Variants in PLOD2 observed in about 807,000 individuals in gnomAD.
The protein encoded by PLOD2 is procollagen-lysine,2-oxoglutarate 5-dioxygenase 2.
A neutral mutation model predicts 101.0 loss-of-function variants in PLOD2; 65 were observed. That is an observed-to-expected ratio of 0.64 (90% CI 0.53 to 0.79). The LOEUF is 0.79. Among genes scored for constraint, PLOD2 ranks in the 30% least tolerant of loss-of-function variants. The pLI, the probability that PLOD2 is intolerant of heterozygous loss-of-function variation, is 0.00. For synonymous variants in PLOD2, 314 were observed against 302.9 expected (o/e 1.04, Z -0.38); for missense variants, 909 against 914.6 (o/e 0.99, Z 0.08).
In PLOD2 at chr3:146,088,791, A is replaced by G. The variant is rs924019446; in HGVS notation, c.880-80T>C. 17 of 1,179,526 alleles carry G rather than the reference A, an allele frequency of 1.4e-5. 1 individual carries two copies. Among genetic ancestry groups the G allele is most frequent in the Non-Finnish European group, 1.9e-5 (15 of 802,334 alleles). The allele number at this position is 1,179,526 out of a possible 1,614,324, so 73.1% of individuals were successfully genotyped here. A position where few individuals can be genotyped will look rare whatever the true frequency, so the allele number is the denominator to read the frequency against. On this transcript the variant is annotated intron_variant, in intron 8 of 19. Transcript: ENST00000282903. ...AAATTTTATTCAAATGTTAATCAGC[A>G]TGACATAAAAAATACTAGAATATCA...
chr3:146,091,948 G>T (rs368077667), intron 7 of PLOD2, 47 bp from the exon 8 acceptor site: 3 of 982,722 alleles, frequency 3.1e-6, no homozygotes, highest in Non-Finnish European at 4.9e-6. Flanking sequence ...GCCTCTCATC[G>T]GTGTGGTTTC....
chr3:146,112,373 T>C (rs1559855204), intron 3 of PLOD2, among the ~76,000 whole-genome samples: 1 of 152,072 alleles, frequency 6.6e-6, no homozygotes, highest in Non-Finnish European at 1.5e-5. Context: ...TGGAATCCCA[T>C]AATTCTCAGC....
Position 146,102,921 on chromosome 3 carries a change from CTGTG to C in PLOD2, c.680-73_680-70del, listed in dbSNP as rs1458640905. ...TGTGTGTGTGTCTGTATTCGTGTGT[CTGTG>C]TGTGTATGTGTGTGTATCATCATTA... is the stretch of plus-strand genomic sequence containing the variant. On this transcript the variant is annotated intron_variant, in intron 6 of 19. Transcript: ENST00000282903. The C allele has an allele frequency of 8.5e-6, 7 of 821,746 alleles. No homozygotes were observed. The African/African-American group carries it at 1.0e-4, about 12-fold the overall frequency. The allele number at this position is 821,746 out of a possible 1,614,324, so 50.9% of individuals were successfully genotyped here.
chr3:146,080,169 G>T (rs1936485609), intron 12 of PLOD2, among the ~76,000 whole-genome samples: 1 of 151,920 alleles, frequency 6.6e-6, no homozygotes, highest in African/African-American at 2.4e-5. Context: ...ATGTGAGGGT[G>T]ATACATTCCA....
intron 1 of PLOD2, among the ~76,000 whole-genome samples, chr3:146,132,465 T>C (rs543519315): frequency 1.4e-4 from 22 of 152,158 alleles, no homozygotes; most frequent in Non-Finnish European, 2.5e-4. Flanking sequence ...CCAGAGATAA[T>C]AGATATGTGA....
At chr3:146,080,046 A>C (rs1298588682) in intron 12 of PLOD2, among the ~76,000 whole-genome samples, 1 of 151,980 alleles carries the variant, frequency 6.6e-6, no homozygotes, top group Admixed American at 6.6e-5. Flanking sequence ...GAGAACATCA[A>C]GGCAAGATCT....
At chr3:146,099,514 A>C (rs1367635760) in intron 7 of PLOD2, among the ~76,000 whole-genome samples, 2 of 151,996 alleles carry the variant, frequency 1.3e-5, no homozygotes, top group Admixed American at 1.3e-4. Context: ...CTCGTGCCTC[A>C]GCCTGCCAAG....
intron 14 of PLOD2, chr3:146,077,288 A>C (rs1936381674): frequency 2.7e-6 from 1 of 375,122 alleles, no homozygotes; most frequent in Non-Finnish European, 3.7e-6. Flanking sequence ...ATTTTTAATC[A>C]AGAATTCACT....
At chr3:146,106,387 A>C in intron 5 of PLOD2, 145 bp downstream of exon 5, 4 of 662,406 alleles carry the variant, frequency 6.0e-6, no homozygotes, top group Non-Finnish European at 8.2e-6. Context: ...CTCACCTATT[A>C]AAATATGTTT....
intron 2 of PLOD2, among the ~76,000 whole-genome samples, chr3:146,122,561 T>A (rs1420359799): frequency 6.6e-6 from 1 of 152,146 alleles, no homozygotes; most frequent in African/African-American, 2.4e-5. Context: ...ATTCAGTCGG[T>A]CTGAGGGGGA....
Position 146,071,071 on chromosome 3 carries a change from C to T in PLOD2, c.2092G>A (p.Ala698Thr), listed in dbSNP as rs1468900521. 1 of 1,608,926 alleles carries T rather than the reference C, an allele frequency of 6.2e-7. No homozygotes were observed. The highest frequency in any genetic ancestry group is 8.5e-7 in the Non-Finnish European group (1 of 1,176,118). Reference sequence around the variant, plus strand: ...AAGTCTTCTCCCACGTTATTAAGTGCAATGTTTATGGTAAATGTAGAAGCA... The same window carrying T: ...AAGTCTTCTCCCACGTTATTAAGTGTAATGTTTATGGTAAATGTAGAAGCA... ...HDASTFTINI[A>T]LNNVGEDFQG... Residue 698 changes from alanine (A) to threonine (T), a missense_variant, in exon 19 of 20, where the codon GCA (alanine) becomes ACA (threonine). Ala to Thr is a moderately conservative substitution (Grantham distance 58). Coordinates refer to ENST00000282903, the MANE Select transcript of PLOD2 (RefSeq NM_182943.3).
chr3:146,104,206 A>T, intron 6 of PLOD2, 73 bp downstream of exon 6: 1 of 883,202 alleles, frequency 1.1e-6, no homozygotes, highest in Admixed American at 1.7e-5. Flanking sequence ...AAATGGACAT[A>T]ACAAAGGAAA....
intron 1 of PLOD2, among the ~76,000 whole-genome samples, chr3:146,132,236 A>G (rs1022741243): frequency 3.3e-5 from 5 of 152,168 alleles, no homozygotes; most frequent in Admixed American, 6.5e-5. Flanking sequence ...CAGGGCTTTC[A>G]GTTTTAAAAC....
chr3:146,071,477 T>TA, intron 17 of PLOD2, 54 bp from the exon 18 acceptor site: 1 of 1,517,704 alleles, frequency 6.6e-7, no homozygotes, highest in Non-Finnish European at 9.1e-7. Flanking sequence ...AATTCCCATT[T>TA]ATATTATAGT....
intron 12 of PLOD2, among the ~76,000 whole-genome samples, chr3:146,080,450 T>C (rs758826198): frequency 9.9e-5 from 15 of 152,028 alleles, no homozygotes; most frequent in Non-Finnish European, 1.6e-4. Flanking sequence ...AATTACTGTA[T>C]ACAACGTGTC....
chr3:146,091,354 A>C (rs1936963681), intron 8 of PLOD2, among the ~76,000 whole-genome samples: 1 of 151,914 alleles, frequency 6.6e-6, no homozygotes, highest in Non-Finnish European at 1.5e-5. Context: ...AGTTTTGTGA[A>C]GTTTAAATGA....
intron 1 of PLOD2, among the ~76,000 whole-genome samples, chr3:146,145,281 G>A (rs1432672983): frequency 6.6e-6 from 1 of 152,056 alleles, no homozygotes; most frequent in Non-Finnish European, 1.5e-5. Context: ...AACTGCTATG[G>A]TGACATAATA....
chr3:146,088,946 T>C, intron 8 of PLOD2: 1 of 489,440 alleles, frequency 2.0e-6, no homozygotes, highest in South Asian at 2.2e-5. Flanking sequence ...GGTTTAAAGA[T>C]GAAATTATCC....
intron 12 of PLOD2, among the ~76,000 whole-genome samples, chr3:146,080,184 C>T (rs1342438739): frequency 6.6e-6 from 1 of 151,876 alleles, no homozygotes; most frequent in African/African-American, 2.4e-5. Flanking sequence ...ATTCCATGAC[C>T]CCAGTGGATG....
Sources: allele counts gnomAD v4.1 joint callset (sites outside exome capture counted in the v4.1 genomes callset), GRCh38; gene constraint gnomAD v4.1.1; transcripts MANE v1.5; gene names NCBI Gene and HGNC (gene_info 2026-07-23, HGNC 2026-07-21).